Variants in FANCC observed in about 807,000 individuals in gnomAD.
FANCC encodes Fanconi anemia group C protein.
In FANCC, 55 loss-of-function variants were observed where a neutral mutation model predicts 71.3. The ratio of observed to expected loss-of-function variants is 0.77; its 90% CI spans 0.62 to 0.97. The LOEUF (loss-of-function observed/expected upper bound fraction) is 0.97. Ranked by LOEUF, FANCC falls within the 50% of genes least tolerant of loss-of-function variation. The pLI, the probability that FANCC is intolerant of heterozygous loss-of-function variation, is 0.00. For synonymous variants in FANCC, 275 were observed against 244.9 expected (o/e 1.12, Z -1.15); for missense variants, 678 against 670.9 (o/e 1.01, Z -0.12).
chr9:95,125,443 C>T (rs1447861007), intron 9 of FANCC, among the ~76,000 whole-genome samples: 1 of 152,204 alleles, frequency 6.6e-6, no homozygotes, highest in African/African-American at 2.4e-5. Flanking sequence ...CCCTTCCACA[C>T]AGGCTTGCAT....
intron 14 of FANCC, among the ~76,000 whole-genome samples, chr9:95,102,055 G>A (rs1171106894): frequency 5.3e-5 from 8 of 152,148 alleles, no homozygotes; most frequent in East Asian, 3.9e-4. Context: ...CACAGTGAGC[G>A]GTGCCATTTC....
intron 6 of FANCC, among the ~76,000 whole-genome samples, chr9:95,166,631 C>T (rs1231544190): frequency 1.3e-5 from 2 of 152,164 alleles, no homozygotes; most frequent in Non-Finnish European, 2.9e-5. Flanking sequence ...TATGTACACT[C>T]AGCCCTCTAT....
At chr9:95,159,166 A>C (rs1004100206) in intron 6 of FANCC, among the ~76,000 whole-genome samples, 3 of 152,004 alleles carry the variant, frequency 2.0e-5, no homozygotes, top group Non-Finnish European at 4.4e-5. Context: ...ATTTCTCCTA[A>C]TGCTATCCCT....
chr9:95,164,121 G>C (rs754235410), intron 6 of FANCC, among the ~76,000 whole-genome samples: 2 of 152,152 alleles, frequency 1.3e-5, no homozygotes, highest in Non-Finnish European at 2.9e-5. Context: ...TTTGTATACT[G>C]CAACTTTGTT....
At chr9:95,246,216 G>A (rs542222523) in intron 3 of FANCC, among the ~76,000 whole-genome samples, 13 of 152,170 alleles carry the variant, frequency 8.5e-5, no homozygotes, top group Admixed American at 3.3e-4. Context: ...ACTTGAAGAA[G>A]TTTAGGGGTT....
chr9:95,198,459 T>C (rs975063832), intron 4 of FANCC, among the ~76,000 whole-genome samples: 1 of 152,218 alleles, frequency 6.6e-6, no homozygotes, highest in African/African-American at 2.4e-5. Context: ...TGTTCTGGCA[T>C]CCTCTGACTT....
At chr9:95,240,805 T>G in intron 3 of FANCC, 62 bp from the exon 4 acceptor site, 1 of 932,926 alleles carries the variant, frequency 1.1e-6, no homozygotes, top group Non-Finnish European at 1.8e-6. Context: ...ATAAAAACAC[T>G]GTAAACATTA....
intron 4 of FANCC, among the ~76,000 whole-genome samples, chr9:95,202,797 A>G (rs1167452949): frequency 6.6e-6 from 1 of 152,192 alleles, no homozygotes; most frequent in East Asian, 1.9e-4. Flanking sequence ...TGAAAAGCAA[A>G]AAATATTAGG....
At chr9:95,256,043 C>A (rs1479431791) in intron 1 of FANCC, among the ~76,000 whole-genome samples, 1 of 151,868 alleles carries the variant, frequency 6.6e-6, no homozygotes, top group Non-Finnish European at 1.5e-5. Flanking sequence ...TGTGAAAAGA[C>A]AAAACCTACG....
At chr9:95,255,416 G>T (rs571161296) in intron 1 of FANCC, among the ~76,000 whole-genome samples, 1 of 152,164 alleles carries the variant, frequency 6.6e-6, no homozygotes, top group African/African-American at 2.4e-5. Context: ...CAGGCAAACA[G>T]CGTCTGGAGT....
intron 5 of FANCC, among the ~76,000 whole-genome samples, chr9:95,171,552 T>G (rs1471315459): frequency 3.9e-5 from 6 of 152,014 alleles, no homozygotes; most frequent in African/African-American, 1.4e-4. Context: ...TTTAGAAGAG[T>G]TACATCAAGT....
At chr9:95,199,559 T>C (rs1827679414) in intron 4 of FANCC, among the ~76,000 whole-genome samples, 1 of 152,230 alleles carries the variant, frequency 6.6e-6, no homozygotes, top group South Asian at 2.1e-4. Flanking sequence ...AAGGAAGTAC[T>C]GACTGATGGC....
rs1233616261 is a variant in FANCC at position 95,101,486 on chromosome 9, G to C, written c.*221C>G. The C allele has an allele frequency of 4.9e-6, 3 of 606,168 alleles. No homozygotes were observed. Among genetic ancestry groups the C allele is most frequent in the South Asian group, 3.9e-5 (2 of 50,912 alleles). The allele number at this position is 606,168 out of a possible 1,614,324, so 37.5% of individuals were successfully genotyped here. On this transcript the variant is annotated 3_prime_UTR_variant, in exon 15 of 15. Transcript: ENST00000289081. ...CACCAGGAGTACCGAAGGCTCACTT[G>C]AGTCATTAGTGAACATGTCTGACTG... is the stretch of plus-strand genomic sequence containing the variant.
At chr9:95,104,347 G>A (rs1181087546) in intron 14 of FANCC, among the ~76,000 whole-genome samples, 4 of 152,240 alleles carry the variant, frequency 2.6e-5, no homozygotes, top group African/African-American at 9.6e-5. Flanking sequence ...GTCAGTGCAT[G>A]AGCGCCACAC....
rs1326163629 is a variant in FANCC at position 95,249,118 on chromosome 9, A to C, written c.165+9T>G. 2.5e-6 allele frequency: 4 copies of C among 1,613,354 alleles called. No homozygotes were observed. The highest frequency in any genetic ancestry group is 3.4e-6 in the Non-Finnish European group (4 of 1,179,650). On this transcript the variant is annotated intron_variant, in intron 2 of 14. Transcript: ENST00000289081. ...GAAAATAATTTCATTATTCTGGTCC[A>C]CTACTTACCATCTCTTTCAAGGCTT...
rs958703792 is a variant in FANCC at position 95,114,377 on chromosome 9, G to C, written c.1154+252C>G. 1.5e-5 allele frequency: 8 copies of C among 532,226 alleles called. No individual in the cohort carries two copies. The African/African-American group carries it at 1.5e-4, about 10-fold the overall frequency. 33.0% of individuals were successfully genotyped at this position (532,226 alleles called of 1,614,324 possible). On this transcript the variant is annotated intron_variant, in intron 12 of 14. Transcript: ENST00000289081. ...TATATTTCAAAATCTAAAACCAGACGTTAATGTAGAAAACATTTCGATACA... is the reference window on the plus strand; with the variant it reads ...TATATTTCAAAATCTAAAACCAGACCTTAATGTAGAAAACATTTCGATACA...
At chr9:95,302,724 C>T (rs1459977192) in intron 1 of FANCC, among the ~76,000 whole-genome samples, 1 of 152,184 alleles carries the variant, frequency 6.6e-6, no homozygotes, top group South Asian at 2.1e-4. Flanking sequence ...CAAACCAGAG[C>T]AGCACGGCTC....
chr9:95,297,986 A>G (rs1462027103), intron 1 of FANCC, among the ~76,000 whole-genome samples: 2 of 152,202 alleles, frequency 1.3e-5, no homozygotes, highest in African/African-American at 2.4e-5. Context: ...GAGCAAAGGT[A>G]AGTCACTGGA....
chr9:95,280,410 A>G (rs748917496), intron 1 of FANCC, among the ~76,000 whole-genome samples: 8 of 152,192 alleles, frequency 5.3e-5, no homozygotes, highest in Non-Finnish European at 1.0e-4. Context: ...CTTGAATAAC[A>G]CTATAAACCA....
Sources: allele counts gnomAD v4.1 joint callset (sites outside exome capture counted in the v4.1 genomes callset), GRCh38; gene constraint gnomAD v4.1.1; transcripts MANE v1.5; gene names NCBI Gene and HGNC (gene_info 2026-07-23, HGNC 2026-07-21).